ARHGDIB: variants seen among roughly 807,000 people sequenced by gnomAD.
The protein encoded by ARHGDIB is rho GDP-dissociation inhibitor 2.
Under a neutral mutation model 22.6 loss-of-function variants are expected in ARHGDIB, and 20 were observed. That is an observed-to-expected ratio of 0.88 (90% CI 0.62 to 1.28). The LOEUF (loss-of-function observed/expected upper bound fraction) is 1.28, where lower values mean the gene tolerates loss of function less well. Ranked by LOEUF, ARHGDIB falls within the 50% of genes most tolerant of loss-of-function variation. The pLI is 0.00. For missense variants in ARHGDIB, 254 were observed against 245.4 expected, an observed-to-expected ratio of 1.04 and a Z score of -0.23; for synonymous variants, 114 against 96.1, an observed-to-expected ratio of 1.19 and a Z score of -1.09.
intron 1 of ARHGDIB, among the ~76,000 whole-genome samples, chr12:14,957,838 A>C (rs1306193853): frequency 1.3e-5 from 2 of 149,806 alleles, no homozygotes; most frequent in African/African-American, 4.9e-5. Context: ...AGAGAGAAGG[A>C]AGAGGGGAAA....
chr12:14,944,322 C>T (rs947570605), intron 5 of ARHGDIB, among the ~76,000 whole-genome samples: 1 of 152,002 alleles, frequency 6.6e-6, no homozygotes, highest in African/African-American at 2.4e-5. Flanking sequence ...GGAAATTGAG[C>T]ATTGCCTCCC....
intron 3 of ARHGDIB, 32 bp from the exon 4 acceptor site, chr12:14,947,981 T>G: frequency 6.4e-6 from 10 of 1,559,790 alleles, no homozygotes; most frequent in Non-Finnish European, 8.8e-6. Context: ...GAGTTTATCC[T>G]CAAAAGCAGA....
intron 3 of ARHGDIB, 49 bp downstream of exon 3, chr12:14,949,753 T>A: frequency 6.3e-7 from 1 of 1,577,130 alleles, no homozygotes; most frequent in Non-Finnish European, 8.7e-7. Context: ...CCAAGTTTTC[T>A]TTGTGATATC....
At chr12:14,960,478 C>CTAACAGCA (rs1380563384) in intron 1 of ARHGDIB, among the ~76,000 whole-genome samples, 1 of 152,146 alleles carries the variant, frequency 6.6e-6, no homozygotes, top group Non-Finnish European at 1.5e-5. Context: ...TTAGTTATCT[C>CTAACAGCA]ATACCTAAAG....
intron 1 of ARHGDIB, 109 bp from the exon 2 acceptor site, chr12:14,950,833 G>A (rs1864158089): frequency 1.0e-5 from 8 of 766,118 alleles, no homozygotes; most frequent in Admixed American, 1.0e-4. Context: ...CTGATCATCA[G>A]TCACTTTCCT....
chr12:14,954,680 C>T (rs1268968313), intron 1 of ARHGDIB, among the ~76,000 whole-genome samples: 3 of 152,156 alleles, frequency 2.0e-5, no homozygotes, highest in East Asian at 1.9e-4. Flanking sequence ...CTAAGGCCTC[C>T]GCATATTTCT....
At chr12:14,952,576 T>C (rs936904273) in intron 1 of ARHGDIB, among the ~76,000 whole-genome samples, 2 of 152,138 alleles carry the variant, frequency 1.3e-5, no homozygotes, top group Non-Finnish European at 2.9e-5. Context: ...GTGAATGAAC[T>C]GGTTGGAAAA....
intron 1 of ARHGDIB, among the ~76,000 whole-genome samples, chr12:14,958,255 G>C (rs1864341270): frequency 6.6e-6 from 1 of 152,152 alleles, no homozygotes; most frequent in South Asian, 2.1e-4. Context: ...GTGACATGGA[G>C]GAATCCATAC....
At chr12:14,951,493 G>A (rs1864175278) in intron 1 of ARHGDIB, among the ~76,000 whole-genome samples, 1 of 152,044 alleles carries the variant, frequency 6.6e-6, no homozygotes, top group Non-Finnish European at 1.5e-5. Flanking sequence ...AATAGCAAAG[G>A]ACAGTTTAAA....
intron 1 of ARHGDIB, among the ~76,000 whole-genome samples, chr12:14,956,958 TAA>T (rs1043832846): frequency 2.0e-5 from 3 of 152,232 alleles, no homozygotes; most frequent in African/African-American, 7.2e-5. Context: ...GAATTACACT[TAA>T]AAATTTACAC....
At chr12:14,948,100 GCACACA>G (rs56206040) in intron 3 of ARHGDIB, 151 bp from the exon 4 acceptor site, 5,207 of 436,900 alleles carry the variant, frequency 0.012, 70 homozygotes, top group East Asian at 0.032. Context: ...TTTAGTCCTT[GCACACA>G]CACACACACA....
intron 1 of ARHGDIB, among the ~76,000 whole-genome samples, chr12:14,959,323 C>T (rs994908669): frequency 2.0e-5 from 3 of 152,130 alleles, no homozygotes; most frequent in Non-Finnish European, 4.4e-5. Context: ...GAGGTTGAGG[C>T]GGGAGGATCA....
chr12:14,948,099 T>TTC, intron 3 of ARHGDIB, 150 bp from the exon 4 acceptor site: 10 of 309,754 alleles, frequency 3.2e-5, no homozygotes, highest in Non-Finnish European at 5.5e-5. Context: ...GTTTAGTCCT[T>TTC]GCACACACAC....
In ARHGDIB at chr12:14,947,750, C is replaced by T. The variant is rs7979291; in HGVS notation, c.342+123G>A. The T allele has an allele frequency of 0.4, 321,818 of 814,058 alleles. 72,001 individuals carry two copies. The highest frequency in any genetic ancestry group is 0.48 in the Non-Finnish European group (239,622 of 501,896). 50.4% of individuals were successfully genotyped at this position (814,058 alleles called of 1,614,324 possible). ...GGCTGGGAAGAGGACATTCCAGACC[C>T]AGCTTGGGGGTACTAGGGGAGAAAC... On this transcript the variant is annotated intron_variant, in intron 4 of 5. Coordinates refer to ENST00000228945, the MANE Select transcript of ARHGDIB (RefSeq NM_001175.7).
rs1337178237 is a variant in ARHGDIB at position 14,950,564 on chromosome 12, T to A, written c.149A>T (p.Lys50Ile). The A allele has an allele frequency of 6.2e-7, 1 of 1,613,878 alleles. No homozygotes were observed. Among genetic ancestry groups the A allele is most frequent in the East Asian group, 2.2e-5 (1 of 44,868 alleles). Residue 50 changes from lysine (K) to isoleucine (I), a missense_variant, in exon 2 of 6, where the codon AAA (lysine) becomes ATA (isoleucine). Physicochemically the swap from Lys to Ile is moderately radical, Grantham distance 102. Transcript: ENST00000228945. ...CACAGGACCATCTCCCAGCAGCGTT[T>A]TCTTGTACTTAATTAGACTCTCATC... is the stretch of plus-strand genomic sequence containing the variant. Reference protein sequence around the residue: ...KDDESLIKYKKTLLGDGPVVT... With the variant: ...KDDESLIKYKITLLGDGPVVT...
At chr12:14,951,267 ATGAC>A (rs986225113) in intron 1 of ARHGDIB, 7 of 153,236 alleles carry the variant, frequency 4.6e-5, no homozygotes, top group African/African-American at 1.7e-4. Context: ...AAGATGACTC[ATGAC>A]GAACCGTTGA....
Position 14,942,701 on chromosome 12 carries a change from C to T in ARHGDIB, c.427G>A (p.Val143Ile), listed in dbSNP as rs1480730450. 1 of 1,614,056 alleles carries T rather than the reference C, an allele frequency of 6.2e-7. No individual in the cohort carries two copies. Among genetic ancestry groups the T allele is most frequent in the Admixed American group, 1.7e-5 (1 of 60,016 alleles). ...TCAGGCCGAGGTCCATAGCTGCCAA[C>T]CATAAATGTTGCTTTATCCACTAAG... ...GVKVDKATFM[V>I]GSYGPRPEEY... Residue 143 changes from valine (V) to isoleucine (I), a missense_variant, in exon 6 of 6, where the codon GTT becomes ATT. Transcript: ENST00000228945.
At chr12:14,952,987 G>A (rs949615379) in intron 1 of ARHGDIB, among the ~76,000 whole-genome samples, 1 of 152,204 alleles carries the variant, frequency 6.6e-6, no homozygotes, top group African/African-American at 2.4e-5. Flanking sequence ...AAGAGAAAGA[G>A]AGCGAGAGAG....
intron 1 of ARHGDIB, among the ~76,000 whole-genome samples, chr12:14,955,942 A>G (rs1162109554): frequency 1.3e-5 from 2 of 152,192 alleles, no homozygotes; most frequent in African/African-American, 4.8e-5. Flanking sequence ...TGCTTTCTAG[A>G]GGATTATCTC....
Sources: gnomAD v4.1 joint callset for allele counts (sites outside exome capture counted in the v4.1 genomes callset) on GRCh38, gnomAD v4.1.1 for gene constraint, MANE v1.5 for transcripts, NCBI Gene and HGNC (gene_info 2026-07-23, HGNC 2026-07-21) for gene names.